The following GRM5 variants were observed in gnomAD, a reference collection of about 807,000 sequenced individuals.
The protein encoded by GRM5 is glutamate metabotropic receptor 5.
In GRM5, 19 loss-of-function variants were observed where a neutral mutation model predicts 83.1. The ratio of observed to expected loss-of-function variants is 0.23; its 90% confidence interval spans 0.16 to 0.34. The LOEUF (loss-of-function observed/expected upper bound fraction) is 0.34. Ranked by LOEUF, GRM5 falls within the 10% of genes least tolerant of loss-of-function variation. The pLI is 1.00. For synonymous variants in GRM5, 675 were observed against 633.6 expected, an observed-to-expected ratio of 1.07 and a Z score of -0.98; for missense variants, 1,160 against 1,588.3, an observed-to-expected ratio of 0.73 and a Z score of 4.58.
chr11:88,631,665 C>T (rs1291504806), intron 4 of GRM5, among the ~76,000 whole-genome samples: 2 of 152,182 alleles, frequency 1.3e-5, no homozygotes. Context: ...CACTCCAAAG[C>T]TCTCACTCCT....
intron 2 of GRM5, among the ~76,000 whole-genome samples, chr11:88,928,828 T>A (rs1224395871): frequency 6.6e-6 from 1 of 151,696 alleles, no homozygotes; most frequent in Non-Finnish European, 1.5e-5. Flanking sequence ...CTGTTTGTTA[T>A]CAGTGCAGTA....
chr11:88,722,743 G>T (rs1461756862), intron 3 of GRM5, among the ~76,000 whole-genome samples: 2 of 152,090 alleles, frequency 1.3e-5, no homozygotes, highest in Non-Finnish European at 2.9e-5. Context: ...TGTTTATAAA[G>T]ATAATAATGC....
chr11:88,747,608 C>T (rs146606670), intron 3 of GRM5, among the ~76,000 whole-genome samples: 12 of 151,294 alleles, frequency 7.9e-5, no homozygotes, highest in African/African-American at 2.9e-4. Context: ...ATCTAACATG[C>T]AGGTAGATAA....
At chr11:88,992,250 A>G (rs1370249920) in intron 2 of GRM5, among the ~76,000 whole-genome samples, 1 of 152,172 alleles carries the variant, frequency 6.6e-6, no homozygotes, top group Non-Finnish European at 1.5e-5. Flanking sequence ...TATGCAGCCA[A>G]AAAACACATG....
At chr11:88,724,898 T>A (rs1351005463) in intron 3 of GRM5, among the ~76,000 whole-genome samples, 1 of 152,112 alleles carries the variant, frequency 6.6e-6, no homozygotes, top group African/African-American at 2.4e-5. Context: ...GACAAAGTCT[T>A]CACAACCCGC....
intron 2 of GRM5, among the ~76,000 whole-genome samples, chr11:88,986,805 C>G (rs1220085814): frequency 2.3e-5 from 3 of 130,444 alleles, no homozygotes; most frequent in African/African-American, 8.5e-5. Flanking sequence ...TTTCAAGAAT[C>G]TTTCCTTCTA....
chr11:88,576,809 C>G (rs941711818), intron 7 of GRM5, among the ~76,000 whole-genome samples: 1 of 152,056 alleles, frequency 6.6e-6, no homozygotes, highest in African/African-American at 2.4e-5. Context: ...CATTTTAAAA[C>G]CGATAGGGTA....
rs1302208644 is a variant in GRM5, at chr11:88,647,451, C to T, written c.1147+5717G>A. On this transcript the variant is annotated intron_variant, in intron 4 of 9. Transcript: ENST00000305447. ...CAAAAGTATGGTAACCATTTTCTCC[C>T]ATGATTCACTTGCTGATTCTGGGGG... Among the ~76,000 whole-genome samples the T allele has an allele frequency of 2.6e-5, 4 of 151,984 alleles. No homozygotes were observed. The East Asian group carries it at 5.8e-4, about 22-fold the overall frequency.
chr11:89,012,855 A>G (rs1357736983), intron 2 of GRM5, among the ~76,000 whole-genome samples: 1 of 152,238 alleles, frequency 6.6e-6, no homozygotes, highest in African/African-American at 2.4e-5. Context: ...AGTTTCCTAA[A>G]TTCACTCAGT....
chr11:88,642,958 G>C (rs1267238710), intron 4 of GRM5, among the ~76,000 whole-genome samples: 2 of 151,858 alleles, frequency 1.3e-5, no homozygotes, highest in East Asian at 3.9e-4. Context: ...ACCTCTGCTT[G>C]TTACCTGGTT....
At chr11:88,598,883 TAAGTCTGAA>T (rs1387845924) in intron 5 of GRM5, among the ~76,000 whole-genome samples, 1 of 152,232 alleles carries the variant, frequency 6.6e-6, no homozygotes, top group African/African-American at 2.4e-5. Flanking sequence ...TAGCAATTCT[TAAGTCTGAA>T]AAGTTTAGTT....
chr11:88,707,402 A>T (rs1941187022), intron 3 of GRM5, among the ~76,000 whole-genome samples: 1 of 152,090 alleles, frequency 6.6e-6, no homozygotes, highest in African/African-American at 2.4e-5. Flanking sequence ...GGAGATAGAG[A>T]TGTCTTCCTA....
At chr11:88,860,588 A>G (rs1156321673) in intron 2 of GRM5, among the ~76,000 whole-genome samples, 3 of 152,158 alleles carry the variant, frequency 2.0e-5, no homozygotes, top group Admixed American at 1.3e-4. Context: ...CATGCTTGAC[A>G]GCTTTTGCTG....
intron 3 of GRM5, among the ~76,000 whole-genome samples, chr11:88,694,247 G>A (rs1940851079): frequency 6.6e-6 from 1 of 152,072 alleles, no homozygotes; most frequent in Non-Finnish European, 1.5e-5. Flanking sequence ...TATCAGCTTG[G>A]TGAGATCAAA....
chr11:88,727,075 A>G lies in GRM5; in HGVS notation c.912-73672T>C, dbSNP rs1941701742. Among the ~76,000 whole-genome samples, 3 of 152,240 alleles carry G rather than the reference A, an allele frequency of 2.0e-5. No homozygotes were observed. In the South Asian group the frequency reaches 6.2e-4, roughly 31 times the overall value. The stretch of plus-strand genomic sequence containing the variant: ...AAATGTAAATGGGCTAAATGCCTCA[A>G]TTAAAAGACATAGTCAGGCAAATTG... On this transcript the variant is annotated intron_variant, in intron 3 of 9. Transcript: ENST00000305447.
intron 8 of GRM5, among the ~76,000 whole-genome samples, chr11:88,531,986 T>C (rs1942021343): frequency 6.6e-6 from 1 of 152,100 alleles, no homozygotes; most frequent in Non-Finnish European, 1.5e-5. Context: ...TATTTTCTTA[T>C]ATGTGTAGAA....
Position 88,785,000 on chromosome 11 carries a change from G to A in GRM5, c.911+64906C>T, listed in dbSNP as rs376692937. ...TGAAATCATTCCCAAGAGATGTTGCGGTATAAAATTTTATATTCAGTTTAG... is the reference window on the plus strand; with the variant it reads ...TGAAATCATTCCCAAGAGATGTTGCAGTATAAAATTTTATATTCAGTTTAG... On this transcript the variant is annotated intron_variant, in intron 3 of 9. Coordinates refer to ENST00000305447, the MANE Select transcript of GRM5 (RefSeq NM_001143831.3). 6.7e-4 allele frequency among the ~76,000 whole-genome samples: 102 copies of A among 151,988 alleles called. 3 individuals carry two copies. The South Asian group carries it at 0.018, about 27-fold the overall frequency.
chr11:88,573,951 TC>T (rs1943055604), intron 7 of GRM5, among the ~76,000 whole-genome samples: 1 of 152,266 alleles, frequency 6.6e-6, no homozygotes, highest in African/African-American at 2.4e-5. Context: ...CTAAAGTTTT[TC>T]ATCACTTCCA....
rs1170119388 is a variant in GRM5 at position 89,065,277 on chromosome 11, G to A, written c.-201+499C>T. Among the ~76,000 whole-genome samples, 5 of 140,832 alleles carry A rather than the reference G, an allele frequency of 3.6e-5. No individual in the cohort carries two copies. The East Asian group carries it at 6.6e-4, about 19-fold the overall frequency. The allele number at this position is 140,832 out of a possible 152,430, so 92.4% of individuals were successfully genotyped here. Reference sequence around the variant, plus strand: ...CTAAATCCTTGCCTTTCGTGCACATGTATTGGCATCACACACACACACACA... The same window carrying A: ...CTAAATCCTTGCCTTTCGTGCACATATATTGGCATCACACACACACACACA... On this transcript the variant is annotated intron_variant, in intron 1 of 9. Coordinates refer to ENST00000305447, the MANE Select transcript of GRM5 (RefSeq NM_001143831.3).
Sources: gnomAD v4.1 joint callset for allele counts (sites outside exome capture counted in the v4.1 genomes callset) on GRCh38, gnomAD v4.1.1 for gene constraint, MANE v1.5 for transcripts, NCBI Gene and HGNC (gene_info 2026-07-23, HGNC 2026-07-21) for gene names.